CACNA1C: variants seen among roughly 807,000 people sequenced by gnomAD.
CACNA1C encodes the protein voltage-dependent L-type calcium channel subunit alpha-1C.
A neutral mutation model predicts 229.0 loss-of-function variants in CACNA1C; 30 were observed. That is an observed-to-expected ratio of 0.13 (90% CI 0.10 to 0.18). The LOEUF is 0.18. CACNA1C is among the 10% of genes least tolerant of loss of function. The pLI is 1.00. For missense variants in CACNA1C, 1,658 were observed against 2,845.0 expected (o/e 0.58, Z 9.49); for synonymous variants, 1,114 against 1,132.5 (o/e 0.98, Z 0.33).
At chr12:2,668,867 C>T (rs988968957) in intron 37 of CACNA1C, 66 bp from the exon 38 acceptor site, 19 of 1,003,316 alleles carry the variant, frequency 1.9e-5, no homozygotes, top group East Asian at 2.4e-5. Flanking sequence ...CACTCTGCCA[C>T]GGTGTTCTGC....
chr12:2,339,395 G>T (rs1414393318), intron 3 of CACNA1C, among the ~76,000 whole-genome samples: 1 of 152,126 alleles, frequency 6.6e-6, no homozygotes, highest in Non-Finnish European at 1.5e-5. Context: ...ACACTACTGT[G>T]GACTTTATTA....
chr12:2,615,293 C>A (rs112015947), intron 29 of CACNA1C, among the ~76,000 whole-genome samples: 3,743 of 152,268 alleles, frequency 0.025, 153 homozygotes, highest in African/African-American at 0.085. Flanking sequence ...TGAACTGAAG[C>A]TTGTCAGCAA....
intron 3 of CACNA1C, among the ~76,000 whole-genome samples, chr12:2,232,178 C>T (rs1418857104): frequency 6.8e-6 from 1 of 146,120 alleles, no homozygotes; most frequent in Non-Finnish European, 1.5e-5. Flanking sequence ...ATTTAGTCAT[C>T]GTGTCTCCTT....
chr12:2,010,122 G>C (rs907652536), intron 1 of CACNA1C, among the ~76,000 whole-genome samples: 1 of 152,132 alleles, frequency 6.6e-6, no homozygotes, highest in Non-Finnish European at 1.5e-5. Context: ...TACCCAATTA[G>C]TGTTCAAATC....
intron 3 of CACNA1C, among the ~76,000 whole-genome samples, chr12:2,435,005 A>G (rs1321854519): frequency 6.6e-6 from 1 of 152,202 alleles, no homozygotes; most frequent in Non-Finnish European, 1.5e-5. Context: ...TCCCAGATAC[A>G]ACATCCTGGG....
chr12:2,342,968 C>G (rs2096907027), intron 3 of CACNA1C, among the ~76,000 whole-genome samples: 1 of 152,200 alleles, frequency 6.6e-6, no homozygotes, highest in South Asian at 2.1e-4. Flanking sequence ...AGCCTTATAT[C>G]AGCTCTGCAA....
intron 30 of CACNA1C, among the ~76,000 whole-genome samples, chr12:2,635,329 T>C (rs2092369084): frequency 6.6e-6 from 1 of 152,216 alleles, no homozygotes; most frequent in Non-Finnish European, 1.5e-5. Context: ...CATGTTTAAA[T>C]CTCTCTTTAT....
chr12:2,128,846 G>A (rs764713834), intron 3 of CACNA1C, among the ~76,000 whole-genome samples: 1 of 152,198 alleles, frequency 6.6e-6, no homozygotes, highest in Non-Finnish European at 1.5e-5. Context: ...ATTATAGCAC[G>A]ATGAGATGTT....
intron 29 of CACNA1C, among the ~76,000 whole-genome samples, chr12:2,626,138 G>C (rs1210062754): frequency 2.6e-5 from 4 of 152,158 alleles, no homozygotes; most frequent in African/African-American, 9.7e-5. Flanking sequence ...GTGGGTGCAG[G>C]TTGCCGGCCA....
Position 2,052,995 on chromosome 12 carries a change from C to G in CACNA1C, c.-568C>G. On this transcript the variant is annotated 5_prime_UTR_variant, in exon 1 of 47. Transcript: ENST00000399655. ...GCTCTCGCGCGCCCGGTGTCTCCCTCTCGCTGCCTCTGCAGAAACAGCTCC... is the reference window on the plus strand; with the variant it reads ...GCTCTCGCGCGCCCGGTGTCTCCCTGTCGCTGCCTCTGCAGAAACAGCTCC... 1 of 983,792 alleles carries G rather than the reference C, an allele frequency of 1.0e-6. No homozygotes were observed. Among genetic ancestry groups the G allele is most frequent in the Non-Finnish European group, 1.2e-6 (1 of 829,376 alleles). The allele number at this position is 983,792 out of a possible 1,614,324, so 60.9% of individuals were successfully genotyped here.
intron 39 of CACNA1C, 114 bp from the exon 40 acceptor site, chr12:2,676,980 T>C (rs2096853588): frequency 1.2e-6 from 1 of 846,436 alleles, no homozygotes. Context: ...GTATTACCTC[T>C]CCAAAAATAT....
chr12:2,103,927 A>G (rs774310489), intron 1 of CACNA1C, among the ~76,000 whole-genome samples: 1 of 151,986 alleles, frequency 6.6e-6, no homozygotes, highest in African/African-American at 2.4e-5. Flanking sequence ...GTTCTGTTCC[A>G]TTGGTCTATA....
At chr12:2,561,949 C>T (rs1187614188) in intron 11 of CACNA1C, among the ~76,000 whole-genome samples, 3 of 152,208 alleles carry the variant, frequency 2.0e-5, no homozygotes, top group African/African-American at 7.2e-5. Context: ...TTCTAATAAA[C>T]CATTACATTT....
intron 3 of CACNA1C, among the ~76,000 whole-genome samples, chr12:2,255,177 T>C (rs1401322387): frequency 1.3e-5 from 2 of 151,352 alleles, no homozygotes; most frequent in South Asian, 2.1e-4. Flanking sequence ...CTGCAAAATA[T>C]GGATACAGAC....
chr12:2,310,352 A>AATATATATATATATATAT (rs35448122), intron 3 of CACNA1C, among the ~76,000 whole-genome samples: 2 of 139,840 alleles, frequency 1.4e-5, no homozygotes, highest in African/African-American at 5.3e-5. Flanking sequence ...TAAAAAAAAA[A>AATATATATATATATATAT]ATATATATAT....
In CACNA1C at chr12:2,467,603, G is replaced by A. The variant is rs577647298; in HGVS notation, c.757+9897G>A. ...CCAGAGACAGCAGGGGGTGGCGGGG[G>A]GCCCTTCACACTGCAGGAGGCTTGC... On this transcript the variant is annotated intron_variant, in intron 5 of 46. Coordinates refer to ENST00000399655, the MANE Select transcript of CACNA1C (RefSeq NM_000719.7). This position sits in a 1 kb window ranked among gnomAD's most constrained non-coding sequence, Gnocchi z 4.6. 6.6e-6 allele frequency among the ~76,000 whole-genome samples: 1 copy of A among 152,104 alleles called. No homozygotes were observed. Among genetic ancestry groups the A allele is most frequent in the Non-Finnish European group, 1.5e-5 (1 of 67,996 alleles).
In CACNA1C at chr12:2,112,207, C is replaced by T. The variant is rs881305; in HGVS notation, c.50-3017C>T. ...TCTTCTTATGTGTTAAATGGAGACA[C>T]GCATGCTTGCTGGGTGTTCAAGCAG... On this transcript the variant is annotated intron_variant, in intron 1 of 46. Transcript: ENST00000399655. 7.2e-3 allele frequency among the ~76,000 whole-genome samples: 1,089 copies of T among 152,302 alleles called. 16 individuals are homozygous for T. Among genetic ancestry groups the T allele is most frequent in the African/African-American group, 0.025 (1,019 of 41,554 alleles).
At chr12:2,564,269 C>T (rs1394990188) in intron 11 of CACNA1C, among the ~76,000 whole-genome samples, 2 of 152,138 alleles carry the variant, frequency 1.3e-5, no homozygotes, top group Non-Finnish European at 2.9e-5. Context: ...TTATTCAGTG[C>T]CAGGCATGAC....
intron 33 of CACNA1C, 57 bp from the exon 34 acceptor site, chr12:2,655,090 A>G: frequency 9.4e-7 from 1 of 1,059,844 alleles, no homozygotes; most frequent in Admixed American, 1.9e-5. Flanking sequence ...CAATGGTGGG[A>G]AATTAGGACC....
Sources: gnomAD v4.1 joint callset for allele counts (sites outside exome capture counted in the v4.1 genomes callset) on GRCh38, gnomAD v4.1.1 for gene constraint, Gnocchi (gnomAD v3.1) non-coding constraint, MANE v1.5 for transcripts, NCBI Gene and HGNC (gene_info 2026-07-23, HGNC 2026-07-21) for gene names.